Variants in CHORDC1 observed in about 807,000 individuals in gnomAD.
CHORDC1 encodes cysteine and histidine rich domain containing 1.
A neutral mutation model predicts 48.3 loss-of-function variants in CHORDC1; 25 were observed. The observed-to-expected ratio is 0.52, with a 90% CI of 0.38 to 0.72. CHORDC1 has a LOEUF of 0.72. Among genes scored for constraint, CHORDC1 ranks in the 30% least tolerant of loss-of-function variants. The pLI is 0.00. For missense variants in CHORDC1, 317 were observed against 388.7 expected, an observed-to-expected ratio of 0.82 and a Z score of 1.55; for synonymous variants, 128 against 126.4, an observed-to-expected ratio of 1.01 and a Z score of -0.09.
In CHORDC1 at chr11:90,205,478, CAT is replaced by C. The variant is rs1360516547; in HGVS notation, c.649_650del (p.Met217ValfsTer3). ...TACTTACAGCATCTTTTTTAGTCCA[CAT>C]GTGTTTCCCTTTTGTACAGCCCTCT... ...AQEGCTKGKH[M>X]WTKKDAGKKV... On this transcript the variant is annotated frameshift_variant, in exon 8 of 11. Transcript: ENST00000320585. LOFTEE classifies it high-confidence loss of function. 6.9e-6 allele frequency: 11 copies of C among 1,603,870 alleles called. No individual in the cohort carries two copies. The highest frequency in any genetic ancestry group is 1.7e-5 in the Admixed American group (1 of 58,476).
At chr11:90,216,853 T>G (rs1470755427) in intron 2 of CHORDC1, among the ~76,000 whole-genome samples, 1 of 152,044 alleles carries the variant, frequency 6.6e-6, no homozygotes, top group African/African-American at 2.4e-5. Flanking sequence ...GAGGTGACAT[T>G]TGAGAAAACC....
chr11:90,210,380 T>TCAGA (rs3832739), intron 6 of CHORDC1, among the ~76,000 whole-genome samples, 156 bp downstream of exon 6: 92,301 of 151,602 alleles, frequency 0.61, 29,690 homozygotes, highest in South Asian at 0.75. Flanking sequence ...ATGATGCTAC[T>TCAGA]CAGAGTCTCT....
chr11:90,218,311 A>G (rs1858072125), intron 1 of CHORDC1, 127 bp from the exon 2 acceptor site: 1 of 623,874 alleles, frequency 1.6e-6, no homozygotes, highest in Non-Finnish European at 2.7e-6. Context: ...AAAAAGGTAC[A>G]AATGATTGAG....
At chr11:90,211,150 C>G (rs150522234) in intron 5 of CHORDC1, 65 bp downstream of exon 5, 52 of 1,125,172 alleles carry the variant, frequency 4.6e-5, no homozygotes, top group Middle Eastern at 6.1e-4. Context: ...CTACTATTCT[C>G]TCTTTTGGAT....
Position 90,206,182 on chromosome 11 carries a change from A to T in CHORDC1, c.563+20T>A. 1 of 1,343,738 alleles carries T rather than the reference A, an allele frequency of 7.4e-7. No homozygotes were observed. Among genetic ancestry groups the T allele is most frequent in the Non-Finnish European group, 1.1e-6 (1 of 937,218 alleles). The allele number at this position is 1,343,738 out of a possible 1,614,324, so 83.2% of individuals were successfully genotyped here. Reference sequence around the variant, plus strand: ...CTAAATTCTACCATAAACTATTTTAATAAGTCATGCATAAGTTACCCCTCA... The same window carrying T: ...CTAAATTCTACCATAAACTATTTTATTAAGTCATGCATAAGTTACCCCTCA... On this transcript the variant is annotated intron_variant, in intron 7 of 10. Transcript: ENST00000320585.
intron 1 of CHORDC1, among the ~76,000 whole-genome samples, chr11:90,219,876 A>C (rs1384694160): frequency 6.6e-6 from 1 of 152,210 alleles, no homozygotes; most frequent in African/African-American, 2.4e-5. Context: ...GGTAACAGTC[A>C]GCTTCATCCC....
chr11:90,222,147 C>A (rs943654912), intron 1 of CHORDC1, among the ~76,000 whole-genome samples: 1 of 152,226 alleles, frequency 6.6e-6, no homozygotes, highest in Non-Finnish European at 1.5e-5. Flanking sequence ...CCGTCCTTCA[C>A]CTAATAGTCA....
Position 90,202,401 on chromosome 11 carries a change from CCACT to C in CHORDC1, c.999_*3del. On this transcript the variant is annotated stop_lost and 3_prime_UTR_variant, in exon 11 of 11. Coordinates refer to ENST00000320585, the MANE Select transcript of CHORDC1 (RefSeq NM_012124.3). ...AATGTAATAGCCTTCCTTCCATCTC[CCACT>C]CAATCTGTTGTGGCATCTTTTTGTT... 6.2e-7 allele frequency: 1 copy of C among 1,611,166 alleles called. No homozygotes were observed. Among genetic ancestry groups the C allele is most frequent in the Admixed American group, 1.7e-5 (1 of 59,966 alleles).
At chr11:90,205,080 G>A (rs1416585416) in intron 8 of CHORDC1, among the ~76,000 whole-genome samples, 1 of 149,622 alleles carries the variant, frequency 6.7e-6, no homozygotes, top group African/African-American at 2.5e-5. Flanking sequence ...AGTTTTAAGT[G>A]GCCAAAAGAA....
intron 1 of CHORDC1, 77 bp downstream of exon 1, chr11:90,222,814 G>A (rs1361122403): frequency 1.5e-6 from 2 of 1,328,420 alleles, no homozygotes; most frequent in Non-Finnish European, 2.1e-6. Flanking sequence ...GGAGATCCGC[G>A]GACACCCTCC....
In CHORDC1 at chr11:90,200,755, T is replaced by C. The variant is rs1016121174; in HGVS notation, c.*1650A>G. The stretch of plus-strand genomic sequence containing the variant: ...TTCAATTACATGTAACAGATTAAGA[T>C]ACTGTTTAGGGGAAAACAGCCTCAG... On this transcript the variant is annotated 3_prime_UTR_variant, in exon 11 of 11. Coordinates refer to ENST00000320585, the MANE Select transcript of CHORDC1 (RefSeq NM_012124.3). 4.0e-4 allele frequency among the ~76,000 whole-genome samples: 61 copies of C among 152,010 alleles called. No individual in the cohort carries two copies. The highest frequency in any genetic ancestry group is 1.4e-3 in the African/African-American group (60 of 41,452).
intron 6 of CHORDC1, chr11:90,206,655 G>T: frequency 1.9e-6 from 1 of 524,920 alleles, no homozygotes; most frequent in Non-Finnish European, 3.1e-6. Flanking sequence ...TGTAAGTATT[G>T]TCAAATAATA....
chr11:90,215,208 C>A lies in CHORDC1; in HGVS notation c.137G>T (p.Arg46Ile). Reference protein sequence around the residue: ...ALKGWSCCKRRTTDFSDFLSI... With the variant: ...ALKGWSCCKRITTDFSDFLSI... Reference sequence around the variant, plus strand: ...TAAGAAATCAGAAAAATCAGTTGTTCTTCTCTTACAGCAAGACCAACCCTA... The same window carrying A: ...TAAGAAATCAGAAAAATCAGTTGTTATTCTCTTACAGCAAGACCAACCCTA... The change falls in exon 3 of 11, where the codon AGA becomes ATA. Residue 46 changes from arginine (R) to isoleucine (I), a missense_variant. Physicochemically the swap from Arg to Ile is moderately conservative, Grantham distance 97. Coordinates refer to ENST00000320585, the MANE Select transcript of CHORDC1 (RefSeq NM_012124.3). 2 of 1,562,508 alleles carry A rather than the reference C, an allele frequency of 1.3e-6. No homozygotes were observed. Among genetic ancestry groups the A allele is most frequent in the East Asian group, 2.3e-5 (1 of 42,830 alleles).
intron 3 of CHORDC1, among the ~76,000 whole-genome samples, chr11:90,214,947 A>G (rs548175120): frequency 4.6e-5 from 7 of 152,066 alleles, no homozygotes; most frequent in Admixed American, 4.6e-4. Context: ...CAGAAAGAAC[A>G]AACCTAAAAT....
At position 90,201,435 on chromosome 11, in the gene CHORDC1, A is replaced by C. The variant is rs539574048; in HGVS notation, c.*970T>G. On this transcript the variant is annotated 3_prime_UTR_variant, in exon 11 of 11. Coordinates refer to ENST00000320585, the MANE Select transcript of CHORDC1 (RefSeq NM_012124.3). ...AATTGTGAAGCTCTTCATGACTTTA[A>C]AAAAAAACTCCAAAACAATTAAGCT... The C allele has an allele frequency of 6.6e-6, 1 of 151,798 alleles. No homozygotes were observed. The highest frequency in any genetic ancestry group is 2.4e-5 in the African/African-American group (1 of 41,518). The allele number at this position is 151,798 out of a possible 1,614,324, so 9.4% of individuals were successfully genotyped here.
chr11:90,216,630 A>G (rs1858019615), intron 2 of CHORDC1: 1 of 394,630 alleles, frequency 2.5e-6, no homozygotes, highest in Non-Finnish European at 4.9e-6. Flanking sequence ...AAATACTTCA[A>G]AGTGAATTCA....
chr11:90,205,315 A>G (rs1713898285), intron 8 of CHORDC1, 145 bp downstream of exon 8: 2 of 620,424 alleles, frequency 3.2e-6, no homozygotes, highest in African/African-American at 3.9e-5. Context: ...ACTCAGATTC[A>G]TTTTATTTCG....
chr11:90,222,787 G>A, intron 1 of CHORDC1, 104 bp downstream of exon 1: 1 of 1,080,922 alleles, frequency 9.3e-7, no homozygotes, highest in Non-Finnish European at 1.4e-6. Context: ...ACCTGGGGCC[G>A]CGCGAGGACG....
chr11:90,212,580 TG>T (rs1369667827), intron 4 of CHORDC1: 1 of 152,068 alleles, frequency 6.6e-6, no homozygotes, highest in African/African-American at 2.4e-5. Context: ...CATTACAGCC[TG>T]GGTAAGAGAG....
Sources: allele counts gnomAD v4.1 joint callset (sites outside exome capture counted in the v4.1 genomes callset), GRCh38; gene constraint gnomAD v4.1.1; transcripts MANE v1.5; gene names NCBI Gene and HGNC (gene_info 2026-07-23, HGNC 2026-07-21).